The following LARGE1 variants were observed in gnomAD, a reference collection of about 807,000 sequenced individuals.
The protein encoded by LARGE1 is xylosyl- and glucuronyltransferase LARGE1.
A neutral mutation model predicts 87.6 loss-of-function variants in LARGE1; 43 were observed. That is an observed-to-expected ratio of 0.49 (90% CI 0.38 to 0.63). LARGE1 has a LOEUF of 0.63. Ranked by LOEUF, LARGE1 falls within the 30% of genes least tolerant of loss-of-function variation. The pLI is 0.00. For missense variants in LARGE1, 802 were observed against 1,000.2 expected, an observed-to-expected ratio of 0.80 and a Z score of 2.67; for synonymous variants, 434 against 394.6, an observed-to-expected ratio of 1.10 and a Z score of -1.18.
At chr22:33,754,340 CTT>C (rs112432978) in intron 2 of LARGE1, among the ~76,000 whole-genome samples, 11 of 143,816 alleles carry the variant, frequency 7.6e-5, no homozygotes, top group African/African-American at 7.6e-5. Context: ...TGAAAAAGTT[CTT>C]TTTTTTTTTT....
intron 9 of LARGE1, among the ~76,000 whole-genome samples, chr22:33,358,111 A>G (rs1179667595): frequency 6.6e-6 from 1 of 152,230 alleles, no homozygotes; most frequent in Non-Finnish European, 1.5e-5. Flanking sequence ...CAGCTGCCTC[A>G]TATTTAATCC....
intron 2 of LARGE1, among the ~76,000 whole-genome samples, chr22:33,749,743 T>C (rs975386142): frequency 1.3e-5 from 2 of 152,212 alleles, no homozygotes; most frequent in Non-Finnish European, 2.9e-5. Flanking sequence ...ATAAGAATCC[T>C]GCTAGCCACA....
the LARGE1 span, among the ~76,000 whole-genome samples, chr22:33,079,907 A>T: frequency 6.6e-6 from 1 of 152,182 alleles, no homozygotes; most frequent in Non-Finnish European, 1.5e-5. Flanking sequence ...CGACAATGGC[A>T]TCATTGGCCT....
At chr22:33,672,802 A>G (rs1010112061) in intron 2 of LARGE1, among the ~76,000 whole-genome samples, 6 of 152,210 alleles carry the variant, frequency 3.9e-5, no homozygotes, top group African/African-American at 1.4e-4. Flanking sequence ...ATAAATATCT[A>G]TACGGCACCT....
intron 3 of LARGE1, among the ~76,000 whole-genome samples, chr22:33,640,542 T>C (rs962275408): frequency 6.6e-6 from 1 of 152,128 alleles, no homozygotes; most frequent in African/African-American, 2.4e-5. Context: ...GCAGGAGTTT[T>C]TTTTTCATAC....
intron 12 of LARGE1, among the ~76,000 whole-genome samples, chr22:33,296,284 C>T (rs937694818): frequency 4.6e-5 from 7 of 152,220 alleles, no homozygotes; most frequent in East Asian, 1.9e-4. Flanking sequence ...CTCTTGAACA[C>T]GTTACAACTT....
chr22:33,686,846 A>G (rs578173061), intron 2 of LARGE1, among the ~76,000 whole-genome samples: 1 of 152,276 alleles, frequency 6.6e-6, no homozygotes, highest in East Asian at 1.9e-4. Flanking sequence ...GTCCAAACTA[A>G]ACAATTATCC....
intron 2 of LARGE1, chr22:33,733,190 T>C (rs1197805092): frequency 6.6e-6 from 1 of 152,258 alleles, no homozygotes; most frequent in Non-Finnish European, 1.5e-5. Flanking sequence ...GAAGGCCGGC[T>C]CTCAGATTTT....
chr22:33,402,608 G>A (rs1285434853), intron 7 of LARGE1, among the ~76,000 whole-genome samples: 1 of 152,132 alleles, frequency 6.6e-6, no homozygotes, highest in East Asian at 1.9e-4. Context: ...TCTGCAAAAT[G>A]GATATTCATC....
intron 6 of LARGE1, among the ~76,000 whole-genome samples, chr22:33,437,194 G>C (rs998333577): frequency 6.6e-6 from 1 of 152,172 alleles, no homozygotes; most frequent in Non-Finnish European, 1.5e-5. Flanking sequence ...CTTTAGTCAA[G>C]GGTAAATTTC....
At chr22:33,702,786 T>C (rs2082437968) in intron 2 of LARGE1, among the ~76,000 whole-genome samples, 1 of 152,098 alleles carries the variant, frequency 6.6e-6, no homozygotes, top group Non-Finnish European at 1.5e-5. Context: ...ATAACTACAA[T>C]ACAGTGTGAG....
Position 33,722,285 on chromosome 22 carries a change from G to A in LARGE1, c.106+39086C>T, listed in dbSNP as rs1601419283. Among the ~76,000 whole-genome samples, 3 of 143,746 alleles carry A rather than the reference G, an allele frequency of 2.1e-5. No homozygotes were observed. In the South Asian group the frequency reaches 6.9e-4, roughly 33 times the overall value. The allele number at this position is 143,746 out of a possible 152,430, so 94.3% of individuals were successfully genotyped here. ...GGGAGAGGAGGGAGAGGGAGAGGAG[G>A]GAGAGGGAGAGGAGGGAGAGGGAGA... On this transcript the variant is annotated intron_variant, in intron 2 of 14. Coordinates refer to ENST00000397394, the MANE Select transcript of LARGE1 (RefSeq NM_133642.5).
intron 2 of LARGE1, among the ~76,000 whole-genome samples, chr22:33,739,147 C>T (rs1316972678): frequency 6.6e-6 from 1 of 151,980 alleles, no homozygotes; most frequent in Non-Finnish European, 1.5e-5. Context: ...AAAGAGATAC[C>T]ATGTGTCCTT....
chr22:33,586,243 T>C (rs1002101230), intron 5 of LARGE1, among the ~76,000 whole-genome samples: 19 of 152,156 alleles, frequency 1.2e-4, no homozygotes, highest in African/African-American at 4.6e-4. Context: ...ATGACCTAAG[T>C]AAAAAGGGTA....
chr22:33,682,071 A>G (rs5754638), intron 2 of LARGE1, among the ~76,000 whole-genome samples: 10 of 152,172 alleles, frequency 6.6e-5, no homozygotes, highest in African/African-American at 1.9e-4. Flanking sequence ...GTGCGTGGAC[A>G]CTGCAAATTC....
chr22:33,321,831 T>A (rs73401416), intron 10 of LARGE1, among the ~76,000 whole-genome samples: 10 of 152,124 alleles, frequency 6.6e-5, no homozygotes, highest in Non-Finnish European at 1.2e-4. Context: ...GACTGGTTGA[T>A]TGACTAAGAT....
At chr22:33,176,101 A>G (rs1287980783) in intron 11 of LARGE1, among the ~76,000 whole-genome samples, 2 of 152,236 alleles carry the variant, frequency 1.3e-5, no homozygotes, top group Non-Finnish European at 2.9e-5. Context: ...GACTAGTCAT[A>G]TGCAGAAAAC....
intron 9 of LARGE1, among the ~76,000 whole-genome samples, chr22:33,345,928 G>A (rs1939692807): frequency 6.6e-6 from 1 of 152,182 alleles, no homozygotes. Context: ...CAAATGGCCA[G>A]GTGAATAAGA....
rs114912827 is a variant in LARGE1, at chr22:33,319,982, C to T, written c.1288-3734G>A. 9.5e-3 allele frequency among the ~76,000 whole-genome samples: 1,450 copies of T among 152,220 alleles called. 20 individuals carry two copies. The highest frequency in any genetic ancestry group is 0.033 in the African/African-American group (1,361 of 41,544). On this transcript the variant is annotated intron_variant, in intron 10 of 14. Coordinates refer to ENST00000397394, the MANE Select transcript of LARGE1 (RefSeq NM_133642.5). ...GTCAACTATCTCTAAAATTTTTAAC[C>T]GTTAAAAGGATGCAATTAGGGATAT...
Sources: gnomAD v4.1 joint callset for allele counts (sites outside exome capture counted in the v4.1 genomes callset) on GRCh38, gnomAD v4.1.1 for gene constraint, MANE v1.5 for transcripts, NCBI Gene and HGNC (gene_info 2026-07-23, HGNC 2026-07-21) for gene names.